SLC44A5: variants seen among roughly 807,000 people sequenced by gnomAD.
SLC44A5 encodes solute carrier family 44 member 5, also known as choline transporter-like protein 5.
In SLC44A5, 57 loss-of-function variants were observed where a neutral mutation model predicts 101.8. The observed-to-expected ratio is 0.56, with a 90% CI of 0.45 to 0.70. The LOEUF (loss-of-function observed/expected upper bound fraction) is 0.70, where lower values mean the gene tolerates loss of function less well. Ranked by LOEUF, SLC44A5 falls within the 30% of genes least tolerant of loss-of-function variation. The pLI is 0.00. For missense variants in SLC44A5, 737 were observed against 853.1 expected (o/e 0.86, Z 1.70); for synonymous variants, 281 against 290.9 (o/e 0.97, Z 0.35).
chr1:75,256,622 C>A (rs937945268), intron 6 of SLC44A5, among the ~76,000 whole-genome samples: 1 of 152,074 alleles, frequency 6.6e-6, no homozygotes, highest in Non-Finnish European at 1.5e-5. Context: ...GTTGAAGTTC[C>A]AGAACTGAAC....
At chr1:75,633,577 T>C in the SLC44A5 span, among the ~76,000 whole-genome samples, 1 of 152,172 alleles carries the variant, frequency 6.6e-6, no homozygotes, top group Non-Finnish European at 1.5e-5. Context: ...TTTTGTATCC[T>C]GAGACTTTGC....
At chr1:75,612,637 T>C (rs190734405), upstream of SLC44A5, among the ~76,000 whole-genome samples, 13 of 152,258 alleles carry the variant, frequency 8.5e-5, no homozygotes, top group African/African-American at 2.4e-4. Flanking sequence ...CCAGGCCTCC[T>C]CTTACTTCAT....
chr1:75,302,112 G>GTTTTTTTTTTTTTTTTTTT (rs10684140), intron 4 of SLC44A5, among the ~76,000 whole-genome samples: 24 of 60,126 alleles, frequency 4.0e-4, no homozygotes, highest in African/African-American at 1.0e-3. Context: ...TAGTTTTTTT[G>GTTTTTTTTTTTTTTTTTTT]TTTTTTTTTT....
chr1:75,631,123 C>G, the SLC44A5 span, among the ~76,000 whole-genome samples: 2 of 152,144 alleles, frequency 1.3e-5, no homozygotes, highest in African/African-American at 4.8e-5. Flanking sequence ...AATTTCTCAC[C>G]AAATAAATCT....
chr1:75,242,794 G>A, intron 8 of SLC44A5, 92 bp downstream of exon 8: 1 of 1,373,180 alleles, frequency 7.3e-7, no homozygotes. Context: ...TAGAAGATTT[G>A]GGAGCTTGTT....
chr1:75,492,613 G>T (rs1005481918), intron 2 of SLC44A5, among the ~76,000 whole-genome samples: 11 of 152,010 alleles, frequency 7.2e-5, no homozygotes, highest in African/African-American at 2.7e-4. Flanking sequence ...TGCTAAGAAA[G>T]CACATAAAAC....
At position 75,271,497 on chromosome 1, in the gene SLC44A5, T is replaced by TTTTTTGTGTGTGTGTGTGTG. The variant is rs1553152601; in HGVS notation, c.260+3460_260+3461insCACACACACACACACAAAAA. Among the ~76,000 whole-genome samples, 221 of 146,388 alleles carry TTTTTTGTGTGTGTGTGTGTG rather than the reference T, an allele frequency of 1.5e-3. 2 individuals carry two copies. The highest frequency in any genetic ancestry group is 2.2e-3 in the Non-Finnish European group (150 of 66,900). On this transcript the variant is annotated intron_variant, in intron 6 of 23. Transcript: ENST00000370859. ...AGTCCATTATATCACTCTGCATGTT[T>TTTTTTGTGTGTGTGTGTGTG]TGTGTGTGTGTGTGTGTGTGTGTGT...
the SLC44A5 span, among the ~76,000 whole-genome samples, chr1:75,659,304 A>C: frequency 7.3e-5 from 11 of 150,636 alleles, no homozygotes; most frequent in South Asian, 2.1e-3. Flanking sequence ...ATTTTTTTAA[A>C]AAAGAGAGAG....
chr1:75,405,600 A>G (rs1002253521), intron 2 of SLC44A5, among the ~76,000 whole-genome samples: 1 of 152,224 alleles, frequency 6.6e-6, no homozygotes, highest in African/African-American at 2.4e-5. Flanking sequence ...CTGCTCCTGA[A>G]TGACTACTGG....
rs376071130 is a variant in SLC44A5, at chr1:75,280,436, A to T, written c.176-5394T>A. ...ATATAATATATATATTGTATATATT[A>T]TATATAGTATATATTATATATAGTA... On this transcript the variant is annotated intron_variant, in intron 5 of 23. Coordinates refer to ENST00000370859, the MANE Select transcript of SLC44A5 (RefSeq NM_001130058.2). 4.1e-3 allele frequency among the ~76,000 whole-genome samples: 420 copies of T among 101,618 alleles called. 6 individuals are homozygous for T. Among genetic ancestry groups the T allele is most frequent in the Admixed American group, 8.0e-3 (54 of 6,790 alleles). 66.7% of individuals were successfully genotyped at this position (101,618 alleles called of 152,430 possible).
At chr1:75,357,611 A>T (rs1464976828) in intron 3 of SLC44A5, among the ~76,000 whole-genome samples, 2 of 152,154 alleles carry the variant, frequency 1.3e-5, no homozygotes, top group Non-Finnish European at 2.9e-5. Flanking sequence ...AAACCAAGAA[A>T]AGCCTCATGT....
At chr1:75,619,069 T>TC in the SLC44A5 span, among the ~76,000 whole-genome samples, 1 of 26,032 alleles carries the variant, frequency 3.8e-5, no homozygotes. Context: ...AAACTCTGTC[T>TC]CAAAAAAAAA....
chr1:75,541,948 C>A (rs1671374173), intron 1 of SLC44A5, among the ~76,000 whole-genome samples: 1 of 151,998 alleles, frequency 6.6e-6, no homozygotes, highest in East Asian at 1.9e-4. Flanking sequence ...TTGAGTTCAG[C>A]ATTTTGTTTC....
intron 2 of SLC44A5, among the ~76,000 whole-genome samples, chr1:75,398,930 C>G (rs746779476): frequency 2.6e-5 from 4 of 151,534 alleles, no homozygotes; most frequent in Non-Finnish European, 4.4e-5. Context: ...GGACATTCAC[C>G]CTGCCTGCTT....
At chr1:75,510,475 GGAGA>G (rs548201129) in intron 2 of SLC44A5, among the ~76,000 whole-genome samples, 129 of 152,206 alleles carry the variant, frequency 8.5e-4, no homozygotes, top group African/African-American at 3.0e-3. Context: ...AAAGACAAAA[GGAGA>G]GAGAAAGAGA....
the SLC44A5 span, among the ~76,000 whole-genome samples, chr1:75,708,413 C>CAAAAAAAA: frequency 2.6e-5 from 1 of 39,072 alleles, no homozygotes; most frequent in African/African-American, 1.1e-4. Context: ...GACTCCGTCT[C>CAAAAAAAA]AAAAAAAAAA....
chr1:75,471,677 C>A (rs1667120148), intron 2 of SLC44A5, among the ~76,000 whole-genome samples: 1 of 151,936 alleles, frequency 6.6e-6, no homozygotes, highest in Non-Finnish European at 1.5e-5. Flanking sequence ...CATTCCACTG[C>A]CCTCTATTTC....
At chr1:75,538,812 T>C (rs971955512) in intron 2 of SLC44A5, among the ~76,000 whole-genome samples, 3 of 152,236 alleles carry the variant, frequency 2.0e-5, no homozygotes, top group Admixed American at 1.3e-4. Flanking sequence ...TTTACCCAAG[T>C]CTCATCTTGG....
intron 3 of SLC44A5, among the ~76,000 whole-genome samples, chr1:75,391,506 A>G (rs1661787030): frequency 6.6e-6 from 1 of 152,194 alleles, no homozygotes; most frequent in Non-Finnish European, 1.5e-5. Flanking sequence ...ACAGCATGGT[A>G]CTGACATAAA....
Sources: gnomAD v4.1 joint callset for allele counts (sites outside exome capture counted in the v4.1 genomes callset) on GRCh38, gnomAD v4.1.1 for gene constraint, MANE v1.5 for transcripts, NCBI Gene and HGNC (gene_info 2026-07-23, HGNC 2026-07-21) for gene names.